The following FRYL variants were observed in gnomAD, a reference collection of about 807,000 sequenced individuals.
The protein encoded by FRYL is FRY like transcription coactivator.
In FRYL, 150 loss-of-function variants were observed where a neutral mutation model predicts 351.2. The ratio of observed to expected loss-of-function variants is 0.43; its 90% CI spans 0.37 to 0.49. FRYL has a LOEUF of 0.49. FRYL is among the 20% of genes least tolerant of loss of function. The pLI is 0.00. For missense variants in FRYL, 3,036 were observed against 3,619.3 expected, an observed-to-expected ratio of 0.84 and a Z score of 4.13; for synonymous variants, 1,153 against 1,257.1, an observed-to-expected ratio of 0.92 and a Z score of 1.75.
chr4:48,716,135 T>G (rs1184681579), intron 1 of FRYL, among the ~76,000 whole-genome samples: 1 of 152,116 alleles, frequency 6.6e-6, no homozygotes, highest in Non-Finnish European at 1.5e-5. Context: ...CAAGATGGAT[T>G]AAAGACTTAA....
intron 2 of FRYL, among the ~76,000 whole-genome samples, chr4:48,708,973 A>G (rs1316915339): frequency 1.4e-5 from 2 of 146,506 alleles, no homozygotes; most frequent in African/African-American, 2.6e-5. Context: ...CCCAGGCTGG[A>G]TGCGGTGGCG....
intron 1 of FRYL, among the ~76,000 whole-genome samples, chr4:48,720,370 A>G (rs1265330258): frequency 6.6e-6 from 1 of 151,780 alleles, no homozygotes; most frequent in Non-Finnish European, 1.5e-5. Flanking sequence ...GGTGGCATGC[A>G]CCTGTAATCC....
At chr4:48,634,245 C>A (rs755544727) in intron 4 of FRYL, 46 bp downstream of exon 4, 9 of 1,420,524 alleles carry the variant, frequency 6.3e-6, no homozygotes, top group South Asian at 1.2e-5. Context: ...GTGGTTAATA[C>A]AAAAGTCAAG....
intron 55 of FRYL, chr4:48,520,420 T>C (rs1465974865): frequency 6.6e-6 from 1 of 152,186 alleles, no homozygotes; most frequent in Admixed American, 6.5e-5. Flanking sequence ...AAATGTAGCA[T>C]TTCCTAATAT....
At chr4:48,579,816 A>G (rs1740474772) in intron 22 of FRYL, among the ~76,000 whole-genome samples, 2 of 152,166 alleles carry the variant, frequency 1.3e-5, no homozygotes, top group Non-Finnish European at 2.9e-5. Context: ...CTAAAACAAA[A>G]TGTTTTGAAT....
intron 1 of FRYL, among the ~76,000 whole-genome samples, chr4:48,718,468 T>C (rs972051827): frequency 2.0e-5 from 3 of 151,650 alleles, no homozygotes; most frequent in African/African-American, 7.3e-5. Context: ...CAATATTGTT[T>C]AAGAGAACTT....
At chr4:48,591,575 T>C (rs1301368737) in intron 16 of FRYL, among the ~76,000 whole-genome samples, 1 of 152,188 alleles carries the variant, frequency 6.6e-6, no homozygotes, top group Non-Finnish European at 1.5e-5. Flanking sequence ...AAACACTCCC[T>C]TCCTTTGGTA....
intron 4 of FRYL, among the ~76,000 whole-genome samples, chr4:48,627,757 C>T (rs1159975817): frequency 6.6e-6 from 1 of 152,094 alleles, no homozygotes; most frequent in East Asian, 1.9e-4. Flanking sequence ...AATGCTTGCT[C>T]AAGTAGATGT....
chr4:48,552,304 G>T (rs1733033789), intron 36 of FRYL, among the ~76,000 whole-genome samples: 1 of 149,956 alleles, frequency 6.7e-6, no homozygotes, highest in Non-Finnish European at 1.5e-5. Context: ...CCCTCTGCAG[G>T]CAAATGACTA....
chr4:48,776,174 G>A (rs1356799001), intron 1 of FRYL, among the ~76,000 whole-genome samples: 1 of 148,240 alleles, frequency 6.7e-6, no homozygotes, highest in African/African-American at 2.5e-5. Flanking sequence ...TTTAAATAGA[G>A]TCAGAGTCTC....
chr4:48,623,195 AC>A lies in FRYL; in HGVS notation c.121-17del, dbSNP rs199509928. 59,286 of 907,522 alleles carry A rather than the reference AC, an allele frequency of 0.065. 79 individuals carry two copies. The highest frequency in any genetic ancestry group is 0.092 in the South Asian group (4,155 of 44,928). 56.2% of individuals were successfully genotyped at this position (907,522 alleles called of 1,614,324 possible). On this transcript the variant is annotated splice_polypyrimidine_tract_variant and intron_variant, in intron 4 of 63. Transcript: ENST00000358350. ...ATAGCTTCTCCTATGATTAAAAAAA[AC>A]AAACATTAAAAATAAAAATAAAGCA... is the stretch of plus-strand genomic sequence containing the variant.
chr4:48,596,061 A>G, intron 13 of FRYL, 61 bp from the exon 14 acceptor site: 2 of 1,087,454 alleles, frequency 1.8e-6, no homozygotes, highest in Non-Finnish European at 1.4e-6. Flanking sequence ...AACAGCAAAC[A>G]TATTCTCTGT....
intron 31 of FRYL, 98 bp from the exon 32 acceptor site, chr4:48,563,086 C>G (rs1578133651): frequency 2.9e-6 from 2 of 695,802 alleles, no homozygotes; most frequent in Admixed American, 4.9e-5. Context: ...TTATAGGCAT[C>G]TATCTTCTAA....
At chr4:48,530,174 TTCCC>T (rs1421564607) in intron 50 of FRYL, among the ~76,000 whole-genome samples, 1 of 152,162 alleles carries the variant, frequency 6.6e-6, no homozygotes, top group Non-Finnish European at 1.5e-5. Context: ...CCCCCTCTCC[TTCCC>T]TGCTGTAAGA....
chr4:48,711,128 C>A (rs137999934), intron 1 of FRYL, among the ~76,000 whole-genome samples: 3,816 of 152,304 alleles, frequency 0.025, 74 homozygotes, highest in Non-Finnish European at 0.04. Context: ...CAGCTCCCAG[C>A]GGGAGCGACA....
At chr4:48,701,137 G>A (rs1193237725) in intron 2 of FRYL, among the ~76,000 whole-genome samples, 1 of 152,066 alleles carries the variant, frequency 6.6e-6, no homozygotes, top group Non-Finnish European at 1.5e-5. Context: ...GGTTTAAAAG[G>A]TTTAGTTTCT....
At chr4:48,502,969 AC>A in intron 60 of FRYL, 124 bp from the exon 61 acceptor site, 1 of 643,292 alleles carries the variant, frequency 1.6e-6, no homozygotes, top group South Asian at 2.2e-5. Flanking sequence ...ATATATTTAT[AC>A]CCCAAAGAAA....
At position 48,581,437 on chromosome 4, in the gene FRYL, G is replaced by C. The variant is rs770287848; in HGVS notation, c.2155C>G (p.Leu719Val). 3 of 1,606,580 alleles carry C rather than the reference G, an allele frequency of 1.9e-6. No individual in the cohort carries two copies. The highest frequency in any genetic ancestry group is 2.5e-6 in the Non-Finnish European group (3 of 1,177,798). The change falls in exon 21 of 64, where the codon CTT (leucine) becomes GTT (valine). Residue 719 changes from leucine to valine, a missense_variant. Around this residue, in one of 7 missense-constraint regions of FRYL, gnomAD observed 492 missense variants for 551.5 expected, o/e 0.89. Coordinates refer to ENST00000358350, the MANE Select transcript of FRYL (RefSeq NM_015030.2). ...VLREIRALFA[L>V]LEIPKGDDEL... Reference sequence around the variant, plus strand: ...AATCTTACCTTAGGTATTTCCAGAAGTGCAAATAAAGCCCGTATTTCTCTA... The same window carrying C: ...AATCTTACCTTAGGTATTTCCAGAACTGCAAATAAAGCCCGTATTTCTCTA...
chr4:48,730,733 A>G (rs1770630414), intron 1 of FRYL, among the ~76,000 whole-genome samples: 1 of 152,216 alleles, frequency 6.6e-6, no homozygotes, highest in African/African-American at 2.4e-5. Flanking sequence ...TGAAGGAATC[A>G]CTAAACACTA....
Sources: gnomAD v4.1 joint callset for allele counts (sites outside exome capture counted in the v4.1 genomes callset) on GRCh38, gnomAD v4.1.1 for gene constraint, gnomAD v4.1.1 regional missense constraint, MANE v1.5 for transcripts, NCBI Gene and HGNC (gene_info 2026-07-23, HGNC 2026-07-21) for gene names.